PCDH15: variants seen among roughly 807,000 people sequenced by gnomAD.
PCDH15 encodes the protein protocadherin-15.
In PCDH15, 129 loss-of-function variants were observed where a neutral mutation model predicts 178.5. That is an observed-to-expected ratio of 0.72 (90% CI 0.63 to 0.84). PCDH15 has a LOEUF of 0.84. Ranked by LOEUF, PCDH15 falls within the 40% of genes least tolerant of loss-of-function variation. The pLI, the probability that PCDH15 is intolerant of heterozygous loss-of-function variation, is 0.00. For missense variants in PCDH15, 2,230 were observed against 2,099.9 expected, an observed-to-expected ratio of 1.06 and a Z score of -1.21; for synonymous variants, 800 against 732.0, an observed-to-expected ratio of 1.09 and a Z score of -1.50.
At chr10:55,174,195 G>T (rs539371549) in intron 1 of PCDH15, among the ~76,000 whole-genome samples, 1 of 152,114 alleles carries the variant, frequency 6.6e-6, no homozygotes, top group African/African-American at 2.4e-5. Flanking sequence ...TTGGAATTTA[G>T]ATGTGAAAAC....
intron 7 of PCDH15, among the ~76,000 whole-genome samples, chr10:54,321,532 C>G (rs2061605947): frequency 6.6e-6 from 1 of 151,846 alleles, no homozygotes; most frequent in Non-Finnish European, 1.5e-5. Flanking sequence ...TATTTCTACC[C>G]TTCCATGTCA....
chr10:53,972,992 C>T (rs540132689), intron 21 of PCDH15, among the ~76,000 whole-genome samples: 4 of 152,014 alleles, frequency 2.6e-5, no homozygotes, highest in Non-Finnish European at 4.4e-5. Flanking sequence ...ACATGCACAC[C>T]TATGTTTATT....
At chr10:53,900,567 G>C (rs1021609855) in intron 26 of PCDH15, among the ~76,000 whole-genome samples, 1 of 151,940 alleles carries the variant, frequency 6.6e-6, no homozygotes, top group Non-Finnish European at 1.5e-5. Flanking sequence ...CCAAACTTTC[G>C]CCAGAATCCC....
intron 1 of PCDH15, among the ~76,000 whole-genome samples, chr10:55,230,163 T>G (rs750625980): frequency 3.3e-5 from 5 of 152,066 alleles, no homozygotes; most frequent in Non-Finnish European, 7.4e-5. Context: ...TTATTTGTCC[T>G]AAGCTCATTC....
intron 18 of PCDH15, among the ~76,000 whole-genome samples, chr10:54,044,045 C>G (rs376892978): frequency 2.6e-5 from 4 of 152,030 alleles, no homozygotes; most frequent in African/African-American, 7.2e-5. Flanking sequence ...AAGGATTATT[C>G]CCAAAAAGAA....
chr10:54,521,706 A>G (rs2082883900), intron 3 of PCDH15, among the ~76,000 whole-genome samples: 1 of 152,176 alleles, frequency 6.6e-6, no homozygotes, highest in Non-Finnish European at 1.5e-5. Context: ...ATAATCCTCT[A>G]CTTTGTGTTA....
At chr10:54,147,078 T>C (rs531765418) in intron 14 of PCDH15, among the ~76,000 whole-genome samples, 2 of 149,628 alleles carry the variant, frequency 1.3e-5, no homozygotes, top group Non-Finnish European at 3.0e-5. Flanking sequence ...TAATCTTCCT[T>C]ATAAAAGAAG....
intron 1 of PCDH15, among the ~76,000 whole-genome samples, chr10:54,789,251 A>C (rs1216629596): frequency 6.6e-6 from 1 of 151,954 alleles, no homozygotes; most frequent in Non-Finnish European, 1.5e-5. Context: ...GTTATAAGTT[A>C]TCCAAAAATC....
chr10:53,924,257 G>C (rs1243342906), intron 25 of PCDH15, among the ~76,000 whole-genome samples: 1 of 152,052 alleles, frequency 6.6e-6, no homozygotes, highest in Non-Finnish European at 1.5e-5. Flanking sequence ...CATGGGCTTG[G>C]TGGACTCCGC....
intron 1 of PCDH15, among the ~76,000 whole-genome samples, chr10:55,224,834 C>T (rs1840981814): frequency 6.6e-6 from 1 of 151,944 alleles, no homozygotes; most frequent in Non-Finnish European, 1.5e-5. Context: ...ACTTCTTTAC[C>T]TTTCCATTCT....
chr10:55,152,922 G>T (rs922479453), intron 2 of PCDH15, among the ~76,000 whole-genome samples: 2 of 151,494 alleles, frequency 1.3e-5, no homozygotes, highest in Non-Finnish European at 2.9e-5. Flanking sequence ...CTTGGTTAAG[G>T]TTAAAGATAT....
intron 2 of PCDH15, among the ~76,000 whole-genome samples, chr10:54,643,455 C>G (rs985612124): frequency 6.6e-6 from 1 of 152,062 alleles, no homozygotes; most frequent in Non-Finnish European, 1.5e-5. Flanking sequence ...GTATAATTTG[C>G]TAATACATTC....
intron 3 of PCDH15, among the ~76,000 whole-genome samples, chr10:54,447,870 T>C (rs2136244763): frequency 6.6e-6 from 1 of 151,800 alleles, no homozygotes; most frequent in South Asian, 2.1e-4. Flanking sequence ...CAAGAAAGAC[T>C]GTGAAAACAA....
At chr10:54,633,721 C>T (rs138196061) in intron 2 of PCDH15, among the ~76,000 whole-genome samples, 127 of 152,238 alleles carry the variant, frequency 8.3e-4, no homozygotes, top group South Asian at 1.7e-3. Flanking sequence ...TCTTCGTAAT[C>T]TCCAAGGTTT....
chr10:55,419,556 T>C (rs1589009158), intron 2 of PCDH15, among the ~76,000 whole-genome samples: 1 of 151,798 alleles, frequency 6.6e-6, no homozygotes, highest in African/African-American at 2.4e-5. Context: ...CAGTTATCCA[T>C]GGCTGTAAGA....
At chr10:54,860,826 G>T (rs1953825199) in intron 3 of PCDH15, among the ~76,000 whole-genome samples, 1 of 152,048 alleles carries the variant, frequency 6.6e-6, no homozygotes, top group Admixed American at 6.6e-5. Context: ...GGTTATTTGT[G>T]GGCAGATTGA....
At chr10:55,599,768 C>G in intron 2 of PCDH15, 1 of 423,272 alleles carries the variant, frequency 2.4e-6, no homozygotes, top group Non-Finnish European at 4.1e-6. Flanking sequence ...CATCTCTCTA[C>G]CAAAAACATC....
At chr10:54,553,979 T>A (rs1452274191) in intron 2 of PCDH15, among the ~76,000 whole-genome samples, 1 of 152,164 alleles carries the variant, frequency 6.6e-6, no homozygotes, top group East Asian at 1.9e-4. Context: ...TTTCCATGAC[T>A]GTCTTTCAAA....
chr10:53,831,721 A>C (rs1327055998), intron 29 of PCDH15, among the ~76,000 whole-genome samples, 188 bp from the exon 30 acceptor site: 5 of 152,156 alleles, frequency 3.3e-5, no homozygotes, highest in Admixed American at 3.3e-4. Context: ...GTAATTACAC[A>C]TCTGTATAGA....
Sources: gnomAD v4.1 joint callset for allele counts (sites outside exome capture counted in the v4.1 genomes callset) on GRCh38, gnomAD v4.1.1 for gene constraint, MANE v1.5 for transcripts, NCBI Gene and HGNC (gene_info 2026-07-23, HGNC 2026-07-21) for gene names.